The following ZNF711 variants were observed in gnomAD, a reference collection of about 807,000 sequenced individuals.
ZNF711 encodes ZFX family zinc finger ZNF711.
In ZNF711, 3 loss-of-function variants were observed where a neutral mutation model predicts 43.5. The observed-to-expected ratio is 0.07, with a 90% CI of 0.03 to 0.18. The LOEUF (loss-of-function observed/expected upper bound fraction) is 0.18, where lower values mean the gene tolerates loss of function less well. Among genes scored for constraint, ZNF711 ranks in the 10% least tolerant of loss-of-function variants. ZNF711 has a pLI of 1.00. For synonymous variants in ZNF711, 209 were observed against 207.7 expected, an observed-to-expected ratio of 1.01 and a Z score of -0.06; for missense variants, 412 against 604.0, an observed-to-expected ratio of 0.68 and a Z score of 3.33.
rs1466477813 is a variant in ZNF711, at chrX:85,264,310, A to C, written c.658A>C (p.Asn220His). 8.3e-7 allele frequency: 1 copy of C among 1,204,357 alleles called. No homozygotes were observed. The highest frequency in any genetic ancestry group is 1.1e-6 in the Non-Finnish European group (1 of 889,525). Residue 220 changes from asparagine (N) to histidine (H), a missense_variant, in exon 6 of 11, where the codon AAT (asparagine) becomes CAT (histidine). Around this residue, in one of 4 missense-constraint regions of ZNF711, gnomAD observed 375 missense variants for 514.2 expected, o/e 0.73. Transcript: ENST00000674551. The part of the protein sequence containing the change: ...DVGEKLEHMG[N>H]TPLKIGSDGS... ...TGGAGAAAAATTAGAGCATATGGGG[A>C]ATACACCATTAAAAATTGGCAGTGA...
At chrX:85,262,940 G>C (rs1274148685) in intron 5 of ZNF711, among the ~76,000 whole-genome samples, 1 of 110,318 alleles carries the variant, frequency 9.1e-6, no homozygotes, top group East Asian at 2.8e-4. Flanking sequence ...TTGTTTTTAG[G>C]AGTGCTGAAT....
intron 4 of ZNF711, among the ~76,000 whole-genome samples, chrX:85,249,990 T>A (rs1013140047): frequency 1.8e-5 from 2 of 112,286 alleles, no homozygotes; most frequent in African/African-American, 6.5e-5. Flanking sequence ...TTAGCATGTT[T>A]TTAAGTGTCA....
At chrX:85,262,730 A>G (rs1251881159) in intron 5 of ZNF711, among the ~76,000 whole-genome samples, 2 of 110,849 alleles carry the variant, frequency 1.8e-5, no homozygotes, top group Non-Finnish European at 3.8e-5. Flanking sequence ...ACAGTAAGCT[A>G]TTAAAATTTG....
Position 85,272,347 on chromosome X carries a change from G to T in ZNF711, c.*519G>T, listed in dbSNP as rs1347019216. On this transcript the variant is annotated 3_prime_UTR_variant, in exon 11 of 11. Transcript: ENST00000674551. ...CAAAAGTTTTGTGTATTCATTAAAA[G>T]AAAACTAACTGGAAAACAGGTTAGA... 1 of 115,468 alleles carries T rather than the reference G, an allele frequency of 8.7e-6. No homozygotes were observed. Among genetic ancestry groups the T allele is most frequent in the Non-Finnish European group, 1.8e-5 (1 of 55,171 alleles). 9.5% of individuals were successfully genotyped at this position (115,468 alleles called of 1,213,427 possible). A position where few individuals can be genotyped will look rare whatever the true frequency, so the allele number is the denominator to read the frequency against.
rs1457549133 is a variant in ZNF711 at position 85,264,260 on chromosome X, G to T, written c.623-15G>T. ...GGTATTTTTTGACTGAAATAATTTT[G>T]TTTATATTTTATAGTGGATGATGTT... On this transcript the variant is annotated splice_polypyrimidine_tract_variant and intron_variant, in intron 5 of 10. Transcript: ENST00000674551. The T allele has an allele frequency of 8.5e-7, 1 of 1,171,053 alleles. No individual in the cohort carries two copies. Among genetic ancestry groups the T allele is most frequent in the Non-Finnish European group, 1.2e-6 (1 of 863,485 alleles).
rs772259913 is a variant in ZNF711, at chrX:85,267,231, TATTA to T, written c.917-45_917-42del. ...ACATTGTTTGGAATTTTTACCCACT[TATTA>T]AATATTTGGGGTTATAAACAAGCAA... On this transcript the variant is annotated intron_variant, in intron 7 of 10. Transcript: ENST00000674551. 20 of 976,562 alleles carry T rather than the reference TATTA, an allele frequency of 2.0e-5. No individual in the cohort carries two copies. In the African/African-American group the frequency reaches 3.6e-4, roughly 18 times the overall value. 80.5% of individuals were successfully genotyped at this position (976,562 alleles called of 1,213,427 possible). A position where few individuals can be genotyped will look rare whatever the true frequency, so the allele number is the denominator to read the frequency against.
At chrX:85,250,250 A>G (rs756827960) in intron 4 of ZNF711, among the ~76,000 whole-genome samples, 35 of 111,976 alleles carry the variant, frequency 3.1e-4, no homozygotes, top group Non-Finnish European at 5.3e-4. Context: ...CAGAATAAAT[A>G]GCAGAGCCTC....
intron 4 of ZNF711, among the ~76,000 whole-genome samples, chrX:85,250,400 GGTTT>G (rs1929460278): frequency 9.0e-6 from 1 of 111,332 alleles, no homozygotes; most frequent in Non-Finnish European, 1.9e-5. Flanking sequence ...AAAATTGAAA[GGTTT>G]GTGAACTACT....
chrX:85,265,044 A>G, intron 6 of ZNF711, 74 bp from the exon 7 acceptor site: 1 of 921,756 alleles, frequency 1.1e-6, no homozygotes, highest in Non-Finnish European at 1.5e-6. Flanking sequence ...AAATATTTCT[A>G]TATATTCTTC....
At position 85,273,070 on chromosome X, in the gene ZNF711, G is replaced by C. The variant is rs1156918693; in HGVS notation, c.*1242G>C. ...AGTTGCTTCATGTTTACATTCAGCT[G>C]TTCAACATAATTAAAATGTAATTTT... is the stretch of plus-strand genomic sequence containing the variant. On this transcript the variant is annotated 3_prime_UTR_variant, in exon 11 of 11. Coordinates refer to ENST00000674551, the MANE Select transcript of ZNF711 (RefSeq NM_001330574.2). 1 of 111,948 alleles carries C rather than the reference G, an allele frequency of 8.9e-6. No homozygotes were observed. Among genetic ancestry groups the C allele is most frequent in the Non-Finnish European group, 1.9e-5 (1 of 53,001 alleles). The allele number at this position is 111,948 out of a possible 1,213,427, so 9.2% of individuals were successfully genotyped here. A position where few individuals can be genotyped will look rare whatever the true frequency, so the allele number is the denominator to read the frequency against.
intron 4 of ZNF711, among the ~76,000 whole-genome samples, chrX:85,254,964 T>A (rs1261762162): frequency 8.9e-6 from 1 of 111,918 alleles, no homozygotes; most frequent in Non-Finnish European, 1.9e-5. Context: ...TTAACTGTTT[T>A]AATTGGAATG....
chrX:85,255,214 T>A (rs1930012407), intron 4 of ZNF711, 45 bp from the exon 5 acceptor site: 3 of 1,129,151 alleles, frequency 2.7e-6, no homozygotes, highest in African/African-American at 1.8e-5. Context: ...TACTCTAAAT[T>A]AATAAAATAA....
chrX:85,267,407 C>T lies in ZNF711; in HGVS notation c.1046C>T (p.Ala349Val), dbSNP rs1931178449. 6 of 1,128,174 alleles carry T rather than the reference C, an allele frequency of 5.3e-6. No individual in the cohort carries two copies. Among genetic ancestry groups the T allele is most frequent in the Non-Finnish European group, 5.8e-6 (5 of 859,811 alleles). The allele number at this position is 1,128,174 out of a possible 1,213,427, so 93.0% of individuals were successfully genotyped here. A position where few individuals can be genotyped will look rare whatever the true frequency, so the allele number is the denominator to read the frequency against. ...ACAGTTGTCCCTGTTGTCTGGGCTG[C>T]GGCATATGGTAGGATACTGGCATTT... ...NKTVVPVVWA[A>V]AYGDERRVSR... Residue 349 changes from alanine to valine, a missense_variant, in exon 8 of 11, where the codon GCG becomes GTG. Transcript: ENST00000674551.
At chrX:85,266,931 A>G in intron 7 of ZNF711, among the ~76,000 whole-genome samples, 1 of 107,523 alleles carries the variant, frequency 9.3e-6, no homozygotes, top group East Asian at 2.9e-4. Context: ...TATTATTTCT[A>G]TGAGAAATAT....
chrX:85,253,422 G>A (rs1490776065), intron 4 of ZNF711, among the ~76,000 whole-genome samples: 1 of 110,977 alleles, frequency 9.0e-6, no homozygotes, highest in African/African-American at 3.3e-5. Context: ...ACGTTTTTGT[G>A]CCTTTTTATT....
At chrX:85,246,874 G>A (rs1483125159) in intron 2 of ZNF711, 56 bp from the exon 3 acceptor site, 4 of 294,643 alleles carry the variant, frequency 1.4e-5, no homozygotes, top group African/African-American at 1.1e-4. Context: ...GAAATGCTGA[G>A]ATAAATAATT....
intron 4 of ZNF711, among the ~76,000 whole-genome samples, chrX:85,251,188 A>G (rs1929522651): frequency 1.8e-5 from 2 of 109,342 alleles, no homozygotes; most frequent in South Asian, 7.9e-4. Flanking sequence ...ACACTGTGGC[A>G]CAAGATCTCC....
rs768769673 is a variant in ZNF711 at position 85,269,993 on chromosome X, T to C, written c.1103-10T>C. On this transcript the variant is annotated splice_polypyrimidine_tract_variant and intron_variant, in intron 9 of 10. Transcript: ENST00000674551. ...ATGTGATTTAATGATGTTTCAATTT[T>C]TTTTTCCAGGAAATACTTTGGACTC... is the stretch of plus-strand genomic sequence containing the variant. 4.1e-6 allele frequency: 5 copies of C among 1,207,656 alleles called. No homozygotes were observed. In the African/African-American group the frequency reaches 8.8e-5, roughly 21 times the overall value.
chrX:85,272,046 A>G lies in ZNF711; in HGVS notation c.*218A>G, dbSNP rs1931611347. ...AAGAAGCACTATAGAATGGTTACAG[A>G]AAAACTTCTTAAGTATCTGTGTAAT... On this transcript the variant is annotated 3_prime_UTR_variant, in exon 11 of 11. Transcript: ENST00000674551. The G allele has an allele frequency of 2.4e-6, 1 of 415,308 alleles. No individual in the cohort carries two copies. The highest frequency in any genetic ancestry group is 3.9e-5 in the East Asian group (1 of 25,651). The allele number at this position is 415,308 out of a possible 1,213,427, so 34.2% of individuals were successfully genotyped here. A position where few individuals can be genotyped will look rare whatever the true frequency, so the allele number is the denominator to read the frequency against.
Sources: allele counts gnomAD v4.1 joint callset (sites outside exome capture counted in the v4.1 genomes callset), GRCh38; gene constraint gnomAD v4.1.1; regional missense constraint gnomAD v4.1.1; transcripts MANE v1.5; gene names NCBI Gene and HGNC (gene_info 2026-07-23, HGNC 2026-07-21).